ATIC: variants seen among roughly 807,000 people sequenced by gnomAD.
ATIC encodes the protein 5-aminoimidazole-4-carboxamide ribonucleotide formyltransferase/IMP cyclohydrolase, also known as bifunctional purine biosynthesis protein ATIC.
Under a neutral mutation model 72.5 loss-of-function variants are expected in ATIC, and 64 were observed. The ratio of observed to expected loss-of-function variants is 0.88; its 90% CI spans 0.72 to 1.09. The LOEUF (loss-of-function observed/expected upper bound fraction) is 1.09, where lower values mean the gene tolerates loss of function less well. Among genes scored for constraint, ATIC ranks in the 50% least tolerant of loss-of-function variants. ATIC has a pLI of 0.00. For synonymous variants in ATIC, 281 were observed against 267.1 expected (o/e 1.05, Z -0.51); for missense variants, 787 against 732.4 (o/e 1.07, Z -0.86).
At chr2:215,313,724 C>T (rs1234720385) in intron 2 of ATIC, among the ~76,000 whole-genome samples, 4 of 152,168 alleles carry the variant, frequency 2.6e-5, no homozygotes, top group African/African-American at 9.7e-5. Context: ...CAGTACACAG[C>T]TTCCCTAAGT....
rs929705862 is a variant in ATIC, at chr2:215,341,556, A to G, written c.1227+2649A>G. On this transcript the variant is annotated intron_variant, in intron 12 of 15. Coordinates refer to ENST00000236959, the MANE Select transcript of ATIC (RefSeq NM_004044.7). Reference sequence around the variant, plus strand: ...ATAGCTTTGTTCTCCTTTCTGTTTTACCCGTCTTTTTAAGTGGATTTTTGT... The same window carrying G: ...ATAGCTTTGTTCTCCTTTCTGTTTTGCCCGTCTTTTTAAGTGGATTTTTGT... Among the ~76,000 whole-genome samples the G allele has an allele frequency of 8.1e-4, 123 of 152,146 alleles. 2 individuals carry two copies. Among genetic ancestry groups the G allele is most frequent in the Non-Finnish European group, 3.1e-4 (21 of 68,014 alleles).
At chr2:215,350,913 T>A (rs935297689), downstream of ATIC, among the ~76,000 whole-genome samples, 2 of 152,220 alleles carry the variant, frequency 1.3e-5, no homozygotes, top group Non-Finnish European at 1.5e-5. Context: ...AATAAAAATT[T>A]CTGAAGTTTT....
intron 3 of ATIC, among the ~76,000 whole-genome samples, chr2:215,318,963 G>A (rs1191376303): frequency 2.0e-5 from 3 of 151,414 alleles, no homozygotes; most frequent in Non-Finnish European, 4.4e-5. Flanking sequence ...TGCAGCCTCT[G>A]TCTGCTTCCC....
downstream of ATIC, among the ~76,000 whole-genome samples, chr2:215,351,422 T>C (rs1001659813): frequency 2.6e-5 from 4 of 152,196 alleles, no homozygotes; most frequent in African/African-American, 9.7e-5. Flanking sequence ...TGTGTTGTCT[T>C]TTTCATGGTT....
intron 10 of ATIC, 134 bp from the exon 11 acceptor site, chr2:215,335,901 G>A (rs1022109421): frequency 7.2e-6 from 5 of 690,324 alleles, no homozygotes; most frequent in East Asian, 5.5e-5. Flanking sequence ...CAAGTATAGC[G>A]TTAGCATTGT....
Position 215,349,202 on chromosome 2 carries a change from T to C in ATIC, c.1612T>C (p.Ser538Pro), listed in dbSNP as rs2053105406. The change falls in exon 15 of 16, where the codon TCT (serine) becomes CCT (proline). Residue 538 changes from serine (S) to proline (P), a missense_variant. Physicochemically the swap from Ser to Pro is moderately conservative, Grantham distance 74. Coordinates refer to ENST00000236959, the MANE Select transcript of ATIC (RefSeq NM_004044.7). Reference protein sequence around the residue: ...VEKLTEVSISSDAFFPFRDNV... With the variant: ...VEKLTEVSISPDAFFPFRDNV... The stretch of plus-strand genomic sequence containing the variant: ...GAAACTGACTGAAGTTTCTATCAGC[T>C]CTGATGCCTTCTTCCCTTTCCGAGA... 1.9e-6 allele frequency: 3 copies of C among 1,614,084 alleles called. No homozygotes were observed. Among genetic ancestry groups the C allele is most frequent in the Non-Finnish European group, 2.5e-6 (3 of 1,180,042 alleles).
intron 1 of ATIC, 144 bp downstream of exon 1, chr2:215,312,305 G>A: frequency 6.9e-7 from 1 of 1,442,774 alleles, no homozygotes; most frequent in Non-Finnish European, 9.2e-7. Flanking sequence ...CGGCCGGGCC[G>A]CAGCCTGCGT....
chr2:215,343,021 A>T (rs2053036015), intron 12 of ATIC, among the ~76,000 whole-genome samples: 1 of 152,150 alleles, frequency 6.6e-6, no homozygotes, highest in African/African-American at 2.4e-5. Flanking sequence ...GCTTTGTGGT[A>T]TGGTAGTTGC....
In ATIC at chr2:215,337,940, T is replaced by A. The variant is rs901439727; in HGVS notation, c.1099-839T>A. 3.5e-4 allele frequency among the ~76,000 whole-genome samples: 54 copies of A among 152,216 alleles called. 3 individuals are homozygous for A. On this transcript the variant is annotated intron_variant, in intron 11 of 15. Coordinates refer to ENST00000236959, the MANE Select transcript of ATIC (RefSeq NM_004044.7). The stretch of plus-strand genomic sequence containing the variant: ...ATCCCTCTACCTGACTAATGATAAG[T>A]TTCTCCTAGCATCAGTTAATAGGAG...
At chr2:215,344,897 C>T (rs779218421) in intron 13 of ATIC, 26 bp downstream of exon 13, 29 of 1,596,246 alleles carry the variant, frequency 1.8e-5, no homozygotes, top group African/African-American at 8.1e-5. Context: ...GACTCGCCTT[C>T]GGGGGACTGT....
chr2:215,361,923 G>T, the ATIC span: 1 of 1,598,856 alleles, frequency 6.3e-7, no homozygotes, highest in South Asian at 1.1e-5. Context: ...TGTAGAAAGA[G>T]ACTGTCTAGT....
At chr2:215,361,068 C>T in the ATIC span, 2 of 155,856 alleles carry the variant, frequency 1.3e-5, no homozygotes, top group African/African-American at 4.8e-5. Context: ...TATTTCTAGG[C>T]AATTACTAGG....
At chr2:215,315,119 C>T (rs2052694939) in intron 2 of ATIC, among the ~76,000 whole-genome samples, 2 of 152,150 alleles carry the variant, frequency 1.3e-5, no homozygotes, top group Admixed American at 6.5e-5. Flanking sequence ...CTCTAAAATT[C>T]TTTCTCCACC....
intron 8 of ATIC, 37 bp downstream of exon 8, chr2:215,332,544 C>T (rs1255229036): frequency 6.2e-6 from 10 of 1,609,046 alleles, no homozygotes; most frequent in South Asian, 1.1e-5. Flanking sequence ...CAGAATTGTT[C>T]GAAAGGCATT....
chr2:215,349,348 T>C, intron 15 of ATIC, 99 bp downstream of exon 15: 1 of 1,582,900 alleles, frequency 6.3e-7, no homozygotes, highest in Non-Finnish European at 8.6e-7. Context: ...GGCAAAGTGA[T>C]ACAGATCAGT....
intron 12 of ATIC, 110 bp downstream of exon 12, chr2:215,339,017 C>G (rs2052987590): frequency 1.4e-6 from 2 of 1,421,714 alleles, no homozygotes; most frequent in Non-Finnish European, 2.0e-6. Flanking sequence ...GGTCTGTATG[C>G]ACACGGCTAG....
intron 1 of ATIC, 22 bp from the exon 2 acceptor site, chr2:215,312,476 G>GA (rs771601710): frequency 5.6e-6 from 9 of 1,614,062 alleles, no homozygotes; most frequent in East Asian, 2.2e-5. Flanking sequence ...CGAATCATGA[G>GA]AAAAAATGTC....
chr2:215,318,309 A>G, intron 3 of ATIC, 76 bp downstream of exon 3: 1 of 1,308,898 alleles, frequency 7.6e-7, no homozygotes, highest in Admixed American at 1.7e-5. Context: ...GTCCTAAAAT[A>G]AAGGAAGAAA....
chr2:215,334,861 T>A, intron 9 of ATIC, 58 bp from the exon 10 acceptor site: 2 of 1,379,266 alleles, frequency 1.5e-6, no homozygotes, highest in Non-Finnish European at 2.1e-6. Context: ...AGAATTTTAT[T>A]ACTTTTTCTG....
Sources: gnomAD v4.1 joint callset for allele counts (sites outside exome capture counted in the v4.1 genomes callset) on GRCh38, gnomAD v4.1.1 for gene constraint, MANE v1.5 for transcripts, NCBI Gene and HGNC (gene_info 2026-07-23, HGNC 2026-07-21) for gene names.